Variants in MTMR1 observed in about 807,000 individuals in gnomAD.
The protein encoded by MTMR1 is phosphatidylinositol-3-phosphate phosphatase MTMR1.
MTMR1 carries 17 observed loss-of-function variants against 51.6 expected under a neutral mutation model. The ratio of observed to expected loss-of-function variants is 0.33; its 90% CI spans 0.23 to 0.49. MTMR1 has a LOEUF of 0.49. Among genes scored for constraint, MTMR1 ranks in the 20% least tolerant of loss-of-function variants. The pLI is 0.99. For missense variants in MTMR1, 386 were observed against 526.9 expected, an observed-to-expected ratio of 0.73 and a Z score of 2.62; for synonymous variants, 201 against 205.6, an observed-to-expected ratio of 0.98 and a Z score of 0.19.
chrX:150,727,112 C>T (rs1221540535), intron 4 of MTMR1, 103 bp from the exon 5 acceptor site: 1 of 485,656 alleles, frequency 2.1e-6, no homozygotes. Context: ...TACAAAATTC[C>T]TGGAAAACTG....
rs939008589 is a variant in MTMR1, at chrX:150,755,971, G to A, written c.1857+106G>A. 15 of 672,734 alleles carry A rather than the reference G, an allele frequency of 2.2e-5. No individual in the cohort carries two copies. The Middle Eastern group carries it at 1.2e-3, about 56-fold the overall frequency. 55.4% of individuals were successfully genotyped at this position (672,734 alleles called of 1,213,427 possible). A position where few individuals can be genotyped will look rare whatever the true frequency, so the allele number is the denominator to read the frequency against. The stretch of plus-strand genomic sequence containing the variant: ...ATGGTAGATATTAACATACCATACT[G>A]ACCGTCTTCTGCCCTCTCCTGTCAG... On this transcript the variant is annotated intron_variant, in intron 15 of 15. Coordinates refer to ENST00000445323, the MANE Select transcript of MTMR1 (RefSeq NM_001306144.3).
chrX:150,755,174 C>T (rs1370633931), intron 14 of MTMR1, among the ~76,000 whole-genome samples: 3 of 111,395 alleles, frequency 2.7e-5, no homozygotes, highest in African/African-American at 9.8e-5. Context: ...GCCACCTCAG[C>T]CTCCTGAGGA....
chrX:150,742,685 C>T (rs1358977374), intron 12 of MTMR1, among the ~76,000 whole-genome samples: 17 of 108,689 alleles, frequency 1.6e-4, no homozygotes, highest in Non-Finnish European at 2.9e-4. Context: ...GGCGTGGTGG[C>T]GGGCACCTGT....
chrX:150,735,302 C>T (rs2042232612), intron 10 of MTMR1: 1 of 337,441 alleles, frequency 3.0e-6, no homozygotes, highest in African/African-American at 2.7e-5. Flanking sequence ...AATAAAACCT[C>T]CTTACATTCC....
At chrX:150,718,382 G>C (rs964878256) in intron 3 of MTMR1, among the ~76,000 whole-genome samples, 8 of 111,579 alleles carry the variant, frequency 7.2e-5, no homozygotes, top group African/African-American at 9.8e-5. Context: ...CTGTATTAAT[G>C]CTTCCTAACT....
At chrX:150,731,366 G>GA (rs782223363) in intron 8 of MTMR1, 104 bp from the exon 9 acceptor site, 146 of 687,251 alleles carry the variant, frequency 2.1e-4, no homozygotes, top group Non-Finnish European at 2.7e-4. Flanking sequence ...ATTATAAACG[G>GA]ATTTTAGTTG....
In MTMR1 at chrX:150,762,556, T is replaced by G; in HGVS notation, c.1858-9T>G. ...CCTGATAATGCAGCTTTGTCTCTGC[T>G]CCCTCCAGATGCCCATTCACCAGAA... On this transcript the variant is annotated splice_polypyrimidine_tract_variant and intron_variant, in intron 15 of 15. Coordinates refer to ENST00000445323, the MANE Select transcript of MTMR1 (RefSeq NM_001306144.3). The G allele has an allele frequency of 8.3e-7, 1 of 1,211,662 alleles. No homozygotes were observed. Among genetic ancestry groups the G allele is most frequent in the South Asian group, 1.8e-5 (1 of 57,004 alleles).
At position 150,744,346 on chromosome X, in the gene MTMR1, T is replaced by C. The variant is rs910049329; in HGVS notation, c.1474-15T>C. 3 of 1,190,933 alleles carry C rather than the reference T, an allele frequency of 2.5e-6. No homozygotes were observed. In the African/African-American group the frequency reaches 5.3e-5, roughly 21 times the overall value. ...TAACATACGTTAAAACGTTTAACCT[T>C]CTGTTTCTGTTCAGCGAGTGGGCCA... is the stretch of plus-strand genomic sequence containing the variant. On this transcript the variant is annotated splice_polypyrimidine_tract_variant and intron_variant, in intron 12 of 15. Coordinates refer to ENST00000445323, the MANE Select transcript of MTMR1 (RefSeq NM_001306144.3).
At position 150,693,399 on chromosome X, in the gene MTMR1, A is replaced by C. The variant is rs1353590959; in HGVS notation, c.-132A>C. On this transcript the variant is annotated 5_prime_UTR_variant, in exon 1 of 16. Transcript: ENST00000445323. The stretch of plus-strand genomic sequence containing the variant: ...GGGTAACGCGGGGCCGCCAGGTGAC[A>C]GCTAATGGCGGCGGCCGCCTGAGGC... 1.4e-6 allele frequency: 1 copy of C among 727,399 alleles called. No individual in the cohort carries two copies. The highest frequency in any genetic ancestry group is 2.4e-5 in the African/African-American group (1 of 42,424). The allele number at this position is 727,399 out of a possible 1,213,427, so 59.9% of individuals were successfully genotyped here.
intron 13 of MTMR1, among the ~76,000 whole-genome samples, chrX:150,745,329 G>C (rs1042211720): frequency 8.9e-5 from 10 of 111,734 alleles, no homozygotes; most frequent in Non-Finnish European, 1.9e-4. Context: ...TCTCTTGCTA[G>C]TCATTCACCA....
chrX:150,708,106 A>G (rs894379671), intron 2 of MTMR1, among the ~76,000 whole-genome samples: 4 of 112,026 alleles, frequency 3.6e-5, no homozygotes, highest in African/African-American at 1.3e-4. Flanking sequence ...TGGCTATAAA[A>G]GGTCAACAGT....
chrX:150,705,946 C>G (rs188998306), intron 2 of MTMR1, among the ~76,000 whole-genome samples: 5 of 112,221 alleles, frequency 4.5e-5, no homozygotes, highest in Non-Finnish European at 7.5e-5. Flanking sequence ...AGTATTGTAA[C>G]AATGAAATAC....
intron 3 of MTMR1, among the ~76,000 whole-genome samples, chrX:150,717,286 G>A (rs1557416421): frequency 9.8e-6 from 1 of 101,874 alleles, no homozygotes; most frequent in African/African-American, 3.6e-5. Flanking sequence ...TTGAACCCGG[G>A]AGGCAGAGGT....
In MTMR1 at chrX:150,744,417, G is replaced by T. The variant is rs782504760; in HGVS notation, c.1530G>T (p.Leu510=). 1 of 1,211,258 alleles carries T rather than the reference G, an allele frequency of 8.3e-7. No individual in the cohort carries two copies. The highest frequency in any genetic ancestry group is 1.1e-6 in the Non-Finnish European group (1 of 895,106). ...HADADRSPIF[L]QFVDCVWQMT... ...ATGCTGACCGATCTCCCATATTTCT[G>T]CAGTTTGTTGATTGTGTTTGGCAAA... Residue 510 remains leucine (L), a synonymous_variant, in exon 13 of 16, where the codon CTG becomes CTT. Coordinates refer to ENST00000445323, the MANE Select transcript of MTMR1 (RefSeq NM_001306144.3).
intron 12 of MTMR1, 21 bp from the exon 13 acceptor site, chrX:150,744,340 T>G (rs984814356): frequency 3.4e-6 from 4 of 1,184,414 alleles, no homozygotes; most frequent in Non-Finnish European, 4.6e-6. Context: ...TTAAAACGTT[T>G]AACCTTCTGT....
chrX:150,697,855 A>G (rs1210630691), intron 1 of MTMR1, among the ~76,000 whole-genome samples: 1 of 111,867 alleles, frequency 8.9e-6, no homozygotes, highest in Non-Finnish European at 1.9e-5. Context: ...GCTTCAGTGC[A>G]GTGAGTCAGT....
Position 150,762,446 on chromosome X carries a change from CTT to C in MTMR1, c.1858-117_1858-116del, listed in dbSNP as rs2043170935. 3 of 941,231 alleles carry C rather than the reference CTT, an allele frequency of 3.2e-6. No homozygotes were observed. The African/African-American group carries it at 5.8e-5, about 18-fold the overall frequency. The allele number at this position is 941,231 out of a possible 1,213,427, so 77.6% of individuals were successfully genotyped here. A position where few individuals can be genotyped will look rare whatever the true frequency, so the allele number is the denominator to read the frequency against. On this transcript the variant is annotated intron_variant, in intron 15 of 15. Coordinates refer to ENST00000445323, the MANE Select transcript of MTMR1 (RefSeq NM_001306144.3). ...CGAGATCGGTCAACGCCTCAGGAGA[CTT>C]TGGCCGCTCCAGGAGTCTGGATGGT...
intron 1 of MTMR1, among the ~76,000 whole-genome samples, chrX:150,696,010 T>C (rs1234124094): frequency 9.0e-6 from 1 of 111,696 alleles, no homozygotes. Flanking sequence ...TGCTGCGCCC[T>C]GAGTTAGGAA....
intron 8 of MTMR1, 105 bp from the exon 9 acceptor site, chrX:150,731,365 G>T: frequency 1.5e-6 from 1 of 669,535 alleles, no homozygotes; most frequent in Non-Finnish European, 2.1e-6. Flanking sequence ...AATTATAAAC[G>T]GATTTTAGTT....
Sources: gnomAD v4.1 joint callset for allele counts (sites outside exome capture counted in the v4.1 genomes callset) on GRCh38, gnomAD v4.1.1 for gene constraint, MANE v1.5 for transcripts, NCBI Gene and HGNC (gene_info 2026-07-23, HGNC 2026-07-21) for gene names.